DUSP14: variants seen among roughly 807,000 people sequenced by gnomAD.
The protein encoded by DUSP14 is dual specificity phosphatase 14.
Under a neutral mutation model 13.2 loss-of-function variants are expected in DUSP14, and 5 were observed. The ratio of observed to expected loss-of-function variants is 0.38; its 90% CI spans 0.20 to 0.80. The LOEUF is 0.80. Among genes scored for constraint, DUSP14 ranks in the 30% least tolerant of loss-of-function variants. DUSP14 has a pLI of 0.44. For missense variants in DUSP14, 185 were observed against 264.0 expected (o/e 0.70, Z 2.07); for synonymous variants, 91 against 103.4 (o/e 0.88, Z 0.73).
chr17:37,504,841 A>G (rs1380732588), intron 1 of DUSP14, among the ~76,000 whole-genome samples: 2 of 152,174 alleles, frequency 1.3e-5, no homozygotes, highest in Non-Finnish European at 2.9e-5. Context: ...GCAGCCTCCC[A>G]AAATGCTGTG....
At chr17:37,503,758 T>C (rs1211551854) in intron 1 of DUSP14, among the ~76,000 whole-genome samples, 1 of 152,250 alleles carries the variant, frequency 6.6e-6, no homozygotes, top group Admixed American at 6.5e-5. Context: ...ATGGAGAATC[T>C]GTGAATTGAT....
intron 1 of DUSP14, among the ~76,000 whole-genome samples, chr17:37,497,999 T>C (rs1025892602): frequency 2.0e-5 from 3 of 151,380 alleles, no homozygotes; most frequent in African/African-American, 4.9e-5. Context: ...TGAGCCTAGA[T>C]TGCACCACTG....
At chr17:37,492,176 A>G (rs1244693214) in intron 1 of DUSP14, among the ~76,000 whole-genome samples, 3 of 152,220 alleles carry the variant, frequency 2.0e-5, no homozygotes, top group African/African-American at 7.2e-5. Context: ...AACAACTTCA[A>G]AGTAGTAGAA....
At chr17:37,506,707 G>C (rs1195777173) in intron 1 of DUSP14, among the ~76,000 whole-genome samples, 1 of 152,092 alleles carries the variant, frequency 6.6e-6, no homozygotes, top group Non-Finnish European at 1.5e-5. Flanking sequence ...CTACTGATCT[G>C]ATCTGAGAAC....
intron 1 of DUSP14, among the ~76,000 whole-genome samples, chr17:37,500,579 T>A (rs544237384): frequency 6.6e-6 from 1 of 152,196 alleles, no homozygotes; most frequent in Non-Finnish European, 1.5e-5. Flanking sequence ...TATTGCTGAT[T>A]AGTGATTTTT....
rs1377535204 is a variant in DUSP14, at chr17:37,512,463, C to T, written c.191C>T (p.Pro64Leu). ...ATTGTTAATGCTACCATTGAGATCCCTAATTTCAACTGGCCCCAATTTGAG... is the reference window on the plus strand; with the variant it reads ...ATTGTTAATGCTACCATTGAGATCCTTAATTTCAACTGGCCCCAATTTGAG... ...TCIVNATIEI[P>L]NFNWPQFEYV... The change falls in exon 3 of 3, where the codon CCT becomes CTT. Residue 64 changes from proline to leucine, a missense_variant. By Grantham distance (98) the Pro-to-Leu change is moderately conservative. Transcript: ENST00000617516. The surrounding 1 kb of genome is among the most constrained non-coding windows in gnomAD (Gnocchi z 4.8). The T allele has an allele frequency of 1.2e-6, 2 of 1,614,186 alleles. No individual in the cohort carries two copies. Among genetic ancestry groups the T allele is most frequent in the South Asian group, 2.2e-5 (2 of 91,078 alleles).
chr17:37,493,486 A>C (rs982851886), intron 1 of DUSP14, among the ~76,000 whole-genome samples: 4 of 152,268 alleles, frequency 2.6e-5, no homozygotes, highest in African/African-American at 9.6e-5. Context: ...TTGCTGTTTA[A>C]CCACAATTAT....
upstream of DUSP14, among the ~76,000 whole-genome samples, chr17:37,489,675 G>A (rs576186561): frequency 3.9e-5 from 6 of 151,944 alleles, no homozygotes; most frequent in South Asian, 2.1e-4. Context: ...CGCTCTAGGG[G>A]AGGCTGCTGC....
intron 1 of DUSP14, among the ~76,000 whole-genome samples, chr17:37,503,748 A>C (rs1322666172): frequency 6.6e-6 from 1 of 152,186 alleles, no homozygotes; most frequent in Non-Finnish European, 1.5e-5. Flanking sequence ...TGTTTCCAAC[A>C]TGGAGAATCT....
At chr17:37,496,931 A>G (rs1290327460) in intron 1 of DUSP14, among the ~76,000 whole-genome samples, 47 of 141,316 alleles carry the variant, frequency 3.3e-4, no homozygotes, top group African/African-American at 9.4e-4. Context: ...AAAAAAAAAA[A>G]AAAGAAAAGA....
At chr17:37,493,077 A>T (rs1393655161) in intron 1 of DUSP14, among the ~76,000 whole-genome samples, 2 of 152,064 alleles carry the variant, frequency 1.3e-5, no homozygotes, top group Non-Finnish European at 2.9e-5. Flanking sequence ...AAATTTCTGC[A>T]GCATGCTATT....
intron 1 of DUSP14, among the ~76,000 whole-genome samples, chr17:37,508,879 C>T (rs934178943): frequency 2.7e-5 from 4 of 147,744 alleles, no homozygotes. Context: ...GAGAGGAAGG[C>T]ATATGTACGC....
At position 37,509,266 on chromosome 17, in the gene DUSP14, T is replaced by G. The variant is rs1220781440; in HGVS notation, c.-180-1411T>G. ...CACTATATATATATATATATATATA[T>G]ATATATATATATATATATATATATA... On this transcript the variant is annotated intron_variant, in intron 1 of 2. Transcript: ENST00000617516. Among the ~76,000 whole-genome samples the G allele has an allele frequency of 5.4e-4, 14 of 26,110 alleles. 2 individuals are homozygous for G. The highest frequency in any genetic ancestry group is 8.0e-4 in the African/African-American group (6 of 7,470). 17.1% of individuals were successfully genotyped at this position (26,110 alleles called of 152,430 possible). A position where few individuals can be genotyped will look rare whatever the true frequency, so the allele number is the denominator to read the frequency against.
At chr17:37,511,938 C>CTTTT (rs58893696) in intron 2 of DUSP14, among the ~76,000 whole-genome samples, 9,664 of 38,186 alleles carry the variant, frequency 0.25, 2,208 homozygotes, top group African/African-American at 0.37. Context: ...CCCCACCCCA[C>CTTTT]TTTTTTTTTT....
At position 37,513,457 on chromosome 17, in the gene DUSP14, T is replaced by TTA. The variant is rs762017071; in HGVS notation, c.*592_*593dup. ...TCTCTTGGAATCCATGTGCCCAGGATTATATTAGCATTATTTTTAATAAAT... is the reference window on the plus strand; with the variant it reads ...TCTCTTGGAATCCATGTGCCCAGGATTATATATTAGCATTATTTTTAATAAAT... On this transcript the variant is annotated 3_prime_UTR_variant, in exon 3 of 3. Transcript: ENST00000617516. 2.4e-5 allele frequency: 4 copies of TTA among 167,212 alleles called. No homozygotes were observed. Among genetic ancestry groups the TTA allele is most frequent in the Non-Finnish European group, 5.9e-5 (4 of 68,196 alleles). The allele number at this position is 167,212 out of a possible 1,614,324, so 10.4% of individuals were successfully genotyped here. A position where few individuals can be genotyped will look rare whatever the true frequency, so the allele number is the denominator to read the frequency against.
chr17:37,509,107 A>ATATATATATATG (rs1359046044), intron 1 of DUSP14, among the ~76,000 whole-genome samples: 1 of 20,242 alleles, frequency 4.9e-5, no homozygotes, highest in Non-Finnish European at 8.7e-5. Context: ...AAAAACCCAT[A>ATATATATATATG]TATATATATA....
At position 37,512,627 on chromosome 17, in the gene DUSP14, G is replaced by T. The variant is rs746758086; in HGVS notation, c.355G>T (p.Ala119Ser). 6 of 1,613,024 alleles carry T rather than the reference G, an allele frequency of 3.7e-6. No homozygotes were observed. The African/African-American group carries it at 8.0e-5, about 22-fold the overall frequency. The change falls in exon 3 of 3, where the codon GCC becomes TCC. Residue 119 changes from alanine (A) to serine (S), a missense_variant. Ala to Ser is a moderately conservative substitution (Grantham distance 99). Transcript: ENST00000617516. The surrounding 1 kb of genome is among the most constrained non-coding windows in gnomAD (Gnocchi z 4.8). ...CTGTGCTGCAGGGGTGAGCCGCTCA[G>T]CCACGCTGTGTATCGCGTACCTGAT... ...VHCAAGVSRS[A>S]TLCIAYLMKF...
chr17:37,512,240 G>A lies in DUSP14; in HGVS notation c.-33G>A, dbSNP rs200186341. 3.8e-4 allele frequency: 585 copies of A among 1,542,464 alleles called. 4 individuals carry two copies. The highest frequency in any genetic ancestry group is 2.9e-3 in the South Asian group (231 of 81,010). ...GAAAATAAAACACTCTGGTCTTGCCGCCAACGATGCAAGTGTGACTGCTGG... is the reference window on the plus strand; with the variant it reads ...GAAAATAAAACACTCTGGTCTTGCCACCAACGATGCAAGTGTGACTGCTGG... On this transcript the variant is annotated 5_prime_UTR_variant, in exon 3 of 3. Coordinates refer to ENST00000617516, the MANE Select transcript of DUSP14 (RefSeq NM_007026.4). This position sits in a 1 kb window ranked among gnomAD's most constrained non-coding sequence, Gnocchi z 4.8.
At chr17:37,510,559 G>A (rs186963685) in intron 1 of DUSP14, 118 bp from the exon 2 acceptor site, 1 of 152,328 alleles carries the variant, frequency 6.6e-6, no homozygotes, top group Admixed American at 6.5e-5. Flanking sequence ...CGAATGTTCA[G>A]TGCACCTTCC....
Sources: gnomAD v4.1 joint callset for allele counts (sites outside exome capture counted in the v4.1 genomes callset) on GRCh38, gnomAD v4.1.1 for gene constraint, Gnocchi (gnomAD v3.1) non-coding constraint, MANE v1.5 for transcripts, NCBI Gene and HGNC (gene_info 2026-07-23, HGNC 2026-07-21) for gene names.